Variants in DOCK10 observed in about 807,000 individuals in gnomAD.
DOCK10 encodes dedicator of cytokinesis protein 10.
In DOCK10, 145 loss-of-function variants were observed where a neutral mutation model predicts 280.1. The observed-to-expected ratio is 0.52, with a 90% CI of 0.45 to 0.59. The LOEUF is 0.59. Among genes scored for constraint, DOCK10 ranks in the 20% least tolerant of loss-of-function variants. DOCK10 has a pLI of 0.00. For synonymous variants in DOCK10, 915 were observed against 942.2 expected (o/e 0.97, Z 0.53); for missense variants, 2,368 against 2,651.7 (o/e 0.89, Z 2.35).
chr2:225,014,104 T>G (rs933883558), intron 1 of DOCK10, among the ~76,000 whole-genome samples: 13 of 145,842 alleles, frequency 8.9e-5, no homozygotes, highest in East Asian at 4.0e-4. Flanking sequence ...TTTTGTTTTT[T>G]TTTTTAAGAA....
intron 6 of DOCK10, 112 bp downstream of exon 6, chr2:224,885,951 A>C (rs1194301326): frequency 5.7e-5 from 86 of 1,502,306 alleles, no homozygotes; most frequent in Non-Finnish European, 7.5e-5. Context: ...CATAAATAAA[A>C]TATTATATGA....
intron 1 of DOCK10, among the ~76,000 whole-genome samples, chr2:224,938,903 A>G (rs1285241741): frequency 2.6e-5 from 4 of 152,206 alleles, no homozygotes; most frequent in African/African-American, 9.6e-5. Flanking sequence ...TTTCCTACCA[A>G]AAAGGAAGTG....
In DOCK10 at chr2:224,896,312, G is replaced by A. The variant is rs1699985516; in HGVS notation, c.399C>T (p.Asp133=). The A allele has an allele frequency of 6.2e-7, 1 of 1,601,672 alleles. No homozygotes were observed. Among genetic ancestry groups the A allele is most frequent in the Non-Finnish European group, 8.5e-7 (1 of 1,171,606 alleles). Residue 133 remains aspartate, a synonymous_variant, in exon 4 of 56, where the codon GAC becomes GAT. Transcript: ENST00000258390. ...VNYKYEQYSG[D]IRQLPRAEYK... ...GTTCTTACCGGGGTAGCTGTCGAAT[G>A]TCTCCAGAATATTGTTCATATTTGT... is the stretch of plus-strand genomic sequence containing the variant.
At chr2:224,787,877 C>T (rs958230839) in intron 48 of DOCK10, among the ~76,000 whole-genome samples, 1 of 152,168 alleles carries the variant, frequency 6.6e-6, no homozygotes. Flanking sequence ...TCAGTGACCC[C>T]TTCTTTCAAT....
intron 1 of DOCK10, among the ~76,000 whole-genome samples, chr2:224,938,745 T>A (rs1460479781): frequency 6.6e-6 from 1 of 152,134 alleles, no homozygotes; most frequent in Non-Finnish European, 1.5e-5. Context: ...TTAAAACAAA[T>A]GAGAAGATCG....
chr2:224,879,893 T>C (rs1698877358), intron 7 of DOCK10, among the ~76,000 whole-genome samples: 1 of 152,186 alleles, frequency 6.6e-6, no homozygotes, highest in Non-Finnish European at 1.5e-5. Flanking sequence ...CAAATCTCAG[T>C]GTTATCTTGA....
chr2:224,780,000 CA>C (rs1179534359), intron 50 of DOCK10, among the ~76,000 whole-genome samples: 1 of 152,114 alleles, frequency 6.6e-6, no homozygotes, highest in Non-Finnish European at 1.5e-5. Flanking sequence ...ATTTGTTGAA[CA>C]AGCAGATGAA....
intron 1 of DOCK10, among the ~76,000 whole-genome samples, chr2:224,965,327 A>T (rs937969798): frequency 2.0e-5 from 3 of 152,190 alleles, no homozygotes; most frequent in African/African-American, 7.2e-5. Flanking sequence ...TAGGAAAAGT[A>T]CCCGTTTTCT....
At chr2:224,955,535 A>G (rs1703986779) in intron 1 of DOCK10, among the ~76,000 whole-genome samples, 2 of 152,258 alleles carry the variant, frequency 1.3e-5, no homozygotes, top group South Asian at 2.1e-4. Flanking sequence ...CGACTCCACA[A>G]ACCACTTATT....
intron 1 of DOCK10, among the ~76,000 whole-genome samples, chr2:224,971,656 ATTTAAC>A (rs1403294396): frequency 2.6e-5 from 4 of 152,200 alleles, no homozygotes; most frequent in East Asian, 1.9e-4. Flanking sequence ...TTTAACTTTG[ATTTAAC>A]TTTAAGAATT....
At chr2:224,802,129 G>A (rs1223778600) in intron 39 of DOCK10, 89 bp from the exon 40 acceptor site, 3 of 1,365,656 alleles carry the variant, frequency 2.2e-6, no homozygotes, top group Non-Finnish European at 2.0e-6. Flanking sequence ...TCTAGATTGA[G>A]TCAAATATTA....
In DOCK10 at chr2:224,932,236, C is replaced by T. The variant is rs180716925; in HGVS notation, c.124-568G>A. Among the ~76,000 whole-genome samples the T allele has an allele frequency of 2.1e-3, 315 of 152,110 alleles. 1 individual carries two copies. The highest frequency in any genetic ancestry group is 6.8e-3 in the African/African-American group (280 of 41,480). ...TAGGTCATTTTCTAATAGAACTGAA[C>T]GACAGGACTATTATGGATGCAGTGT... On this transcript the variant is annotated intron_variant, in intron 1 of 55. Transcript: ENST00000258390.
intron 44 of DOCK10, 145 bp from the exon 45 acceptor site, chr2:224,795,239 A>C (rs955005951): frequency 1.5e-6 from 1 of 671,740 alleles, no homozygotes; most frequent in Non-Finnish European, 2.5e-6. Context: ...ATATATGTGC[A>C]TTCTATGTTT....
intron 1 of DOCK10, among the ~76,000 whole-genome samples, chr2:224,999,898 G>A (rs907302955): frequency 2.0e-5 from 3 of 152,226 alleles, no homozygotes; most frequent in Admixed American, 6.5e-5. Flanking sequence ...GCTTGGAAAA[G>A]CTCAGCTATG....
At chr2:224,823,376 T>G in intron 28 of DOCK10, 125 bp downstream of exon 28, 1 of 775,526 alleles carries the variant, frequency 1.3e-6, no homozygotes, top group Non-Finnish European at 1.9e-6. Context: ...AATGAAAGTT[T>G]TCATCTGACA....
intron 1 of DOCK10, among the ~76,000 whole-genome samples, chr2:225,022,616 C>A (rs1255407297): frequency 6.6e-6 from 1 of 152,212 alleles, no homozygotes; most frequent in Non-Finnish European, 1.5e-5. Context: ...TCTACTACCA[C>A]CAGAATTTGT....
chr2:224,924,044 A>G (rs956705199), intron 2 of DOCK10, among the ~76,000 whole-genome samples: 5 of 152,160 alleles, frequency 3.3e-5, no homozygotes, highest in African/African-American at 4.8e-5. Context: ...CATGTTCCTT[A>G]TTACTCCTTT....
At chr2:224,943,918 C>T (rs1703244846) in intron 1 of DOCK10, among the ~76,000 whole-genome samples, 1 of 152,050 alleles carries the variant, frequency 6.6e-6, no homozygotes, top group Non-Finnish European at 1.5e-5. Context: ...CACGTGCCAC[C>T]ACGGCCGGCT....
chr2:224,943,841 G>A (rs761017858), intron 1 of DOCK10, among the ~76,000 whole-genome samples: 1 of 142,256 alleles, frequency 7.0e-6, no homozygotes, highest in Non-Finnish European at 1.5e-5. Flanking sequence ...TCGGCTCACT[G>A]CAACCTCTGC....
Sources: gnomAD v4.1 joint callset for allele counts (sites outside exome capture counted in the v4.1 genomes callset) on GRCh38, gnomAD v4.1.1 for gene constraint, MANE v1.5 for transcripts, NCBI Gene and HGNC (gene_info 2026-07-23, HGNC 2026-07-21) for gene names.